Variants in PPP2R3B observed in about 807,000 individuals in gnomAD.
PPP2R3B encodes protein phosphatase 2 regulatory subunit B''beta.
PPP2R3B carries 68 observed loss-of-function variants against 72.9 expected under a neutral mutation model. The ratio of observed to expected loss-of-function variants is 0.93; its 90% CI spans 0.77 to 1.14. The LOEUF (loss-of-function observed/expected upper bound fraction) is 1.14, where lower values mean the gene tolerates loss of function less well. Among genes scored for constraint, PPP2R3B ranks in the 50% most tolerant of loss-of-function variants. The pLI, the probability that PPP2R3B is intolerant of heterozygous loss-of-function variation, is 0.00. For synonymous variants in PPP2R3B, 466 were observed against 375.8 expected (o/e 1.24, Z -2.78); for missense variants, 1,018 against 842.0 (o/e 1.21, Z -2.59).
chrX:386,470 C>CG lies in PPP2R3B; in HGVS notation c.221dup (p.Thr76AsnfsTer27). 2 of 1,288,866 alleles carry CG rather than the reference C, an allele frequency of 1.6e-6. No homozygotes were observed. The highest frequency in any genetic ancestry group is 1.5e-5 in the African/African-American group (1 of 65,338). The allele number at this position is 1,288,866 out of a possible 1,614,324, so 79.8% of individuals were successfully genotyped here. On this transcript the variant is annotated frameshift_variant, in exon 1 of 13. Coordinates refer to ENST00000390665, the MANE Select transcript of PPP2R3B (RefSeq NM_013239.5). LOFTEE classifies it high-confidence loss of function. ...GCGCAGGGCCCGGCCCGGGGGTTCC[C>CG]GGGGGTTCGAGCCCGCTGGGCCGGG...
Position 361,558 on chromosome X carries a change from C to CG in PPP2R3B, c.356dup (p.Ala120GlyfsTer45), listed in dbSNP as rs1347108488. 5 of 1,613,848 alleles carry CG rather than the reference C, an allele frequency of 3.1e-6. No individual in the cohort carries two copies. Among genetic ancestry groups the CG allele is most frequent in the Non-Finnish European group, 4.2e-6 (5 of 1,179,852 alleles). ...AGGTCGGAATGCTTTGGCTCGTGGCCGGGGGCAGAGGCTCTTCTTTCCGTG... is the reference window on the plus strand; with the variant it reads ...AGGTCGGAATGCTTTGGCTCGTGGCCGGGGGGCAGAGGCTCTTCTTTCCGTG... On this transcript the variant is annotated frameshift_variant, in exon 2 of 13. Coordinates refer to ENST00000390665, the MANE Select transcript of PPP2R3B (RefSeq NM_013239.5). LOFTEE classifies it high-confidence loss of function.
rs149694247 is a variant in PPP2R3B at position 340,805 on chromosome X, G to A, written c.1311C>T (p.Cys437=). Reference sequence around the variant, plus strand: ...TGACCAGGTCCAGCATCTGGCAGAGGCAGTCCTGGAAGGGCAGGGCCTCGA... The same window carrying A: ...TGACCAGGTCCAGCATCTGGCAGAGACAGTCCTGGAAGGGCAGGGCCTCGA... ...MAIEALPFQD[C]LCQMLDLVKP... The change falls in exon 10 of 13, where the codon TGC becomes TGT. Residue 437 remains cysteine, a synonymous_variant. Transcript: ENST00000390665. 113 of 1,605,006 alleles carry A rather than the reference G, an allele frequency of 7.0e-5. No homozygotes were observed. The African/African-American group carries it at 1.3e-3, about 19-fold the overall frequency.
chrX:356,011 A>G (rs563678174), intron 2 of PPP2R3B, among the ~76,000 whole-genome samples: 2 of 152,324 alleles, frequency 1.3e-5, no homozygotes, highest in African/African-American at 4.8e-5. Context: ...GCTGCCCCAA[A>G]ATGAAAAAAA....
chrX:364,163 C>T (rs761597896), intron 1 of PPP2R3B, among the ~76,000 whole-genome samples: 32 of 152,346 alleles, frequency 2.1e-4, no homozygotes, highest in African/African-American at 6.7e-4. Flanking sequence ...GCAGGGTCCT[C>T]CGGGGAAGCT....
intron 1 of PPP2R3B, among the ~76,000 whole-genome samples, chrX:367,054 T>C (rs893535125): frequency 1.3e-4 from 19 of 142,660 alleles, no homozygotes; most frequent in Non-Finnish European, 4.6e-5. Context: ...GATGAATACT[T>C]GGACATTTTT....
In PPP2R3B at chrX:340,930, A is replaced by C. The variant is rs1397935037; in HGVS notation, c.1186T>G (p.Trp396Gly). ...DKKTPTSIEYWFRCMDLDGDG... is the reference protein window; with the variant it reads ...DKKTPTSIEYGFRCMDLDGDG... Reference sequence around the variant, plus strand: ...CCGTCCAGGTCCATGCAGCGGAACCAGTACTCGATGCTGCGGCACGGCGAG... The same window carrying C: ...CCGTCCAGGTCCATGCAGCGGAACCCGTACTCGATGCTGCGGCACGGCGAG... Residue 396 changes from tryptophan to glycine, a missense_variant, in exon 10 of 13, where the codon TGG becomes GGG. Physicochemically the swap from Trp to Gly is radical, Grantham distance 184. Coordinates refer to ENST00000390665, the MANE Select transcript of PPP2R3B (RefSeq NM_013239.5). 3 of 1,611,000 alleles carry C rather than the reference A, an allele frequency of 1.9e-6. No homozygotes were observed. The highest frequency in any genetic ancestry group is 2.5e-6 in the Non-Finnish European group (3 of 1,179,324).
intron 1 of PPP2R3B, among the ~76,000 whole-genome samples, chrX:380,392 A>G (rs2072096827): frequency 6.6e-6 from 1 of 152,166 alleles, no homozygotes. Context: ...AAGCAAACAC[A>G]CGACCTGAAC....
At chrX:371,252 C>A (rs942378319) in intron 1 of PPP2R3B, among the ~76,000 whole-genome samples, 1 of 152,168 alleles carries the variant, frequency 6.6e-6, no homozygotes, top group East Asian at 1.9e-4. Context: ...AACACGCCAT[C>A]GTCACACGGG....
intron 7 of PPP2R3B, 24 bp downstream of exon 7, chrX:345,492 G>A (rs1603050929): frequency 1.3e-6 from 2 of 1,557,406 alleles, no homozygotes; most frequent in Admixed American, 1.7e-5. Context: ...CGCGCGGCCC[G>A]CCCGCCCCTG....
rs774948875 is a variant in PPP2R3B, at chrX:338,720, G to A, written c.1471-10C>T. 6.8e-6 allele frequency: 11 copies of A among 1,611,666 alleles called. No homozygotes were observed. Among genetic ancestry groups the A allele is most frequent in the Non-Finnish European group, 9.3e-6 (11 of 1,179,510 alleles). ...CGCCGCTGTCACCGTCCTGGAGGAA[G>A]CACACGGGTTACGTACACGGCGTGG... On this transcript the variant is annotated splice_polypyrimidine_tract_variant and intron_variant, in intron 11 of 12. Transcript: ENST00000390665.
Position 351,963 on chromosome X carries a change from G to A in PPP2R3B, c.511-4270C>T, listed in dbSNP as rs2071341164. Reference sequence around the variant, plus strand: ...TCCCGCCTTGGCCTCTCAAAGTGCTGGGACTACAGGGATGACACTGCAACC... The same window carrying A: ...TCCCGCCTTGGCCTCTCAAAGTGCTAGGACTACAGGGATGACACTGCAACC... On this transcript the variant is annotated intron_variant, in intron 2 of 12. Transcript: ENST00000390665. 2.6e-5 allele frequency among the ~76,000 whole-genome samples: 4 copies of A among 152,270 alleles called. No homozygotes were observed. The South Asian group carries it at 8.3e-4, about 32-fold the overall frequency.
At chrX:380,285 G>C (rs950276625) in intron 1 of PPP2R3B, among the ~76,000 whole-genome samples, 2 of 152,132 alleles carry the variant, frequency 1.3e-5, no homozygotes, top group African/African-American at 4.8e-5. Flanking sequence ...CCAGACTCAA[G>C]AGACATATGC....
intron 1 of PPP2R3B, among the ~76,000 whole-genome samples, chrX:376,179 G>A (rs1392735688): frequency 1.3e-5 from 2 of 150,542 alleles, no homozygotes; most frequent in African/African-American, 4.9e-5. Context: ...GGACAAGAGC[G>A]AGACTTCGTC....
At chrX:353,066 C>T (rs1476866903) in intron 2 of PPP2R3B, among the ~76,000 whole-genome samples, 1 of 151,858 alleles carries the variant, frequency 6.6e-6, no homozygotes, top group Non-Finnish European at 1.5e-5. Context: ...CTTGTGAGAT[C>T]CGATGGTCTA....
At chrX:341,958 G>GC in intron 7 of PPP2R3B, 27 bp from the exon 8 acceptor site, 5 of 1,612,364 alleles carry the variant, frequency 3.1e-6, no homozygotes, top group South Asian at 1.1e-5. Context: ...TTGATGGGCA[G>GC]CCCGCACCGT....
At chrX:383,837 CAAAA>C (rs757960788) in intron 1 of PPP2R3B, among the ~76,000 whole-genome samples, 13 of 45,620 alleles carry the variant, frequency 2.8e-4, no homozygotes, top group African/African-American at 4.6e-4. Context: ...GACTCCGTCT[CAAAA>C]AAAAAAAAAA....
rs868820322 is a variant in PPP2R3B, at chrX:334,036, G to A, written c.*331C>T. 25 of 255,210 alleles carry A rather than the reference G, an allele frequency of 9.8e-5. No individual in the cohort carries two copies. Among genetic ancestry groups the A allele is most frequent in the African/African-American group, 2.2e-4 (10 of 44,674 alleles). 15.8% of individuals were successfully genotyped at this position (255,210 alleles called of 1,614,324 possible). ...GCTCCTGTCCAGGACTGAGGCGCCCGGGAGCCGCCGGTCACCGTTGTGCGC... is the reference window on the plus strand; with the variant it reads ...GCTCCTGTCCAGGACTGAGGCGCCCAGGAGCCGCCGGTCACCGTTGTGCGC... On this transcript the variant is annotated 3_prime_UTR_variant, in exon 13 of 13. Coordinates refer to ENST00000390665, the MANE Select transcript of PPP2R3B (RefSeq NM_013239.5).
chrX:369,460 C>T (rs1296586845), intron 1 of PPP2R3B, among the ~76,000 whole-genome samples: 1 of 152,214 alleles, frequency 6.6e-6, no homozygotes, highest in African/African-American at 2.4e-5. Flanking sequence ...GTCACAGATA[C>T]ATGTGTCGCC....
chrX:344,747 TAC>T (rs1423959809), intron 7 of PPP2R3B: 1 of 243,656 alleles, frequency 4.1e-6, no homozygotes, highest in Non-Finnish European at 8.1e-6. Flanking sequence ...CAGGGAATGC[TAC>T]GTCTGCTCAG....
Sources: gnomAD v4.1 joint callset for allele counts (sites outside exome capture counted in the v4.1 genomes callset) on GRCh38, gnomAD v4.1.1 for gene constraint, MANE v1.5 for transcripts, NCBI Gene and HGNC (gene_info 2026-07-23, HGNC 2026-07-21) for gene names.